The following SLC14A2 variants were observed in gnomAD, a reference collection of about 807,000 sequenced individuals.
The protein encoded by SLC14A2 is solute carrier family 14 member 2.
Under a neutral mutation model 104.6 loss-of-function variants are expected in SLC14A2, and 91 were observed. The ratio of observed to expected loss-of-function variants is 0.87; its 90% CI spans 0.73 to 1.04. The LOEUF is 1.04. Among genes scored for constraint, SLC14A2 ranks in the 50% least tolerant of loss-of-function variants. The probability of loss-of-function intolerance (pLI) is 0.00; values close to 1 mark genes in which losing one functional copy is unlikely to be tolerated. For missense variants in SLC14A2, 1,189 were observed against 1,156.0 expected, an observed-to-expected ratio of 1.03 and a Z score of -0.41; for synonymous variants, 476 against 466.4, an observed-to-expected ratio of 1.02 and a Z score of -0.27.
chr18:45,196,744 C>T, the SLC14A2 span, among the ~76,000 whole-genome samples: 2 of 152,178 alleles, frequency 1.3e-5, no homozygotes, highest in African/African-American at 2.4e-5. Flanking sequence ...AGAGTTAATT[C>T]TCTAGTGCCT....
intron 1 of SLC14A2, among the ~76,000 whole-genome samples, chr18:45,403,109 T>A (rs1278361172): frequency 6.6e-6 from 1 of 152,208 alleles, no homozygotes; most frequent in Non-Finnish European, 1.5e-5. Context: ...CCAACAGGGT[T>A]AGTTTCTGGT....
intron 2 of SLC14A2, among the ~76,000 whole-genome samples, chr18:45,588,429 C>T (rs2044598873): frequency 6.6e-6 from 1 of 152,192 alleles, no homozygotes; most frequent in Non-Finnish European, 1.5e-5. Flanking sequence ...ACCCACATGG[C>T]TGGAGGCATT....
intron 2 of SLC14A2, among the ~76,000 whole-genome samples, chr18:45,589,700 T>A (rs997826009): frequency 6.6e-6 from 1 of 152,198 alleles, no homozygotes; most frequent in Non-Finnish European, 1.5e-5. Flanking sequence ...GGAGGCACTT[T>A]GTAAAATCAT....
At chr18:45,394,386 T>C (rs1214042781) in intron 1 of SLC14A2, among the ~76,000 whole-genome samples, 2 of 152,238 alleles carry the variant, frequency 1.3e-5, no homozygotes, top group Non-Finnish European at 2.9e-5. Context: ...AGACAGACTC[T>C]GAATCCAGCC....
At chr18:45,333,635 G>A (rs2085310837) in intron 1 of SLC14A2, among the ~76,000 whole-genome samples, 1 of 152,150 alleles carries the variant, frequency 6.6e-6, no homozygotes. Flanking sequence ...CTTTTTGCTA[G>A]GCATGGCGGG....
intron 1 of SLC14A2, among the ~76,000 whole-genome samples, chr18:45,282,814 T>G (rs1358501954): frequency 6.6e-6 from 1 of 151,612 alleles, no homozygotes; most frequent in Non-Finnish European, 1.5e-5. Context: ...CCTACCTCCC[T>G]CCCTACCTCC....
intron 1 of SLC14A2, among the ~76,000 whole-genome samples, chr18:45,346,251 G>A (rs1407294551): frequency 1.3e-5 from 2 of 152,078 alleles, no homozygotes; most frequent in Non-Finnish European, 2.9e-5. Flanking sequence ...TGCCTCCCAG[G>A]TTCAAGCAAT....
chr18:45,599,014 A>G (rs1049209154), intron 2 of SLC14A2, among the ~76,000 whole-genome samples: 1 of 152,224 alleles, frequency 6.6e-6, no homozygotes, highest in African/African-American at 2.4e-5. Flanking sequence ...CTGGTTTCCA[A>G]AAAGAGGCCA....
At chr18:45,267,309 C>T (rs541006370) in intron 1 of SLC14A2, among the ~76,000 whole-genome samples, 68 of 152,246 alleles carry the variant, frequency 4.5e-4, no homozygotes, top group Non-Finnish European at 7.9e-4. Flanking sequence ...ACCTCTTAGT[C>T]TCCATGCTCT....
intron 1 of SLC14A2, among the ~76,000 whole-genome samples, chr18:45,426,005 C>G (rs767314308): frequency 2.6e-5 from 4 of 151,980 alleles, no homozygotes; most frequent in East Asian, 1.9e-4. Context: ...TCACAACTCT[C>G]TTACATCCTT....
intron 1 of SLC14A2, among the ~76,000 whole-genome samples, chr18:45,367,591 G>A (rs765392012): frequency 6.6e-6 from 1 of 152,186 alleles, no homozygotes; most frequent in Non-Finnish European, 1.5e-5. Context: ...CTTTCTCCCA[G>A]AAGTCCAGAA....
the SLC14A2 span, among the ~76,000 whole-genome samples, chr18:45,197,707 G>A: frequency 7.2e-5 from 11 of 152,220 alleles, no homozygotes; most frequent in African/African-American, 2.7e-4. Context: ...AGAATTGAGT[G>A]CGTCATTTCC....
chr18:45,487,194 C>G (rs2087623267), intron 2 of SLC14A2, among the ~76,000 whole-genome samples: 1 of 152,220 alleles, frequency 6.6e-6, no homozygotes, highest in African/African-American at 2.4e-5. Flanking sequence ...TTTCCAGCTT[C>G]TAGAGGTTGC....
the SLC14A2 span, among the ~76,000 whole-genome samples, chr18:45,183,754 C>A: frequency 6.6e-6 from 1 of 151,348 alleles, no homozygotes; most frequent in South Asian, 2.1e-4. Flanking sequence ...TCTTTCAAGA[C>A]AGGGCCTTGC....
chr18:45,504,836 A>C (rs574536982), intron 2 of SLC14A2, among the ~76,000 whole-genome samples: 19 of 152,292 alleles, frequency 1.2e-4, no homozygotes, highest in African/African-American at 4.3e-4. Flanking sequence ...CATTAGTTGG[A>C]TCTTTAGCTA....
intron 1 of SLC14A2, among the ~76,000 whole-genome samples, chr18:45,421,717 A>G (rs1339890260): frequency 1.3e-5 from 2 of 152,132 alleles, no homozygotes; most frequent in Admixed American, 6.5e-5. Flanking sequence ...TGAACCCACA[A>G]TGCTCTCCTC....
intron 1 of SLC14A2, among the ~76,000 whole-genome samples, chr18:45,241,635 T>TTC (rs1568117350): frequency 6.9e-6 from 1 of 145,516 alleles, no homozygotes; most frequent in African/African-American, 2.6e-5. Flanking sequence ...TTCTTTTCTT[T>TTC]TCTCTTTTTT....
At chr18:45,187,377 A>C in the SLC14A2 span, among the ~76,000 whole-genome samples, 2 of 152,156 alleles carry the variant, frequency 1.3e-5, no homozygotes, top group South Asian at 2.1e-4. Context: ...TGCCAAACTG[A>C]ATAAAGCAAA....
intron 2 of SLC14A2, among the ~76,000 whole-genome samples, chr18:45,576,369 C>T (rs939856144): frequency 3.3e-5 from 5 of 150,832 alleles, no homozygotes; most frequent in Non-Finnish European, 7.4e-5. Context: ...CTGTAACCTC[C>T]GCCTCCCAGG....
Sources: allele counts gnomAD v4.1 joint callset (sites outside exome capture counted in the v4.1 genomes callset), GRCh38; gene constraint gnomAD v4.1.1; transcripts MANE v1.5; gene names NCBI Gene and HGNC (gene_info 2026-07-23, HGNC 2026-07-21).